The following MTLN variants were observed in gnomAD, a reference collection of about 807,000 sequenced individuals.
The protein encoded by MTLN is mitoregulin.
At position 110,212,502 on chromosome 2, in the gene MTLN, TGTCCTCTCTG is replaced by T. The variant is rs1686121874; in HGVS notation, c.14_23del (p.Ser5TyrfsTer7). On this transcript the variant is annotated frameshift_variant, in exon 1 of 2. Coordinates refer to ENST00000611969, the MANE Select transcript of MTLN (RefSeq NM_001384134.1). LOFTEE classifies it high-confidence loss of function. Reference sequence around the variant, plus strand: ...AGGCTACTAGCACGGACAACTGCAGTGTCCTCTCTGACACATCCGCCATGGCTGCCGCCGG... The same window carrying T: ...AGGCTACTAGCACGGACAACTGCAGTACACATCCGCCATGGCTGCCGCCGG... The T allele has an allele frequency of 2.5e-6, 1 of 398,772 alleles. No individual in the cohort carries two copies. The highest frequency in any genetic ancestry group is 4.4e-6 in the Non-Finnish European group (1 of 225,954). 24.7% of individuals were successfully genotyped at this position (398,772 alleles called of 1,614,324 possible).
chr2:110,211,844 A>C (rs760072908), intron 1 of MTLN, among the ~76,000 whole-genome samples: 3 of 152,180 alleles, frequency 2.0e-5, no homozygotes, highest in Admixed American at 1.3e-4. Flanking sequence ...CCAACAACCT[A>C]AGAATTCAGT....
At chr2:110,211,662 A>G (rs1349368078) in intron 1 of MTLN, 40 bp from the exon 2 acceptor site, 1 of 152,200 alleles carries the variant, frequency 6.6e-6, no homozygotes, top group Non-Finnish European at 1.5e-5. Context: ...AGAAATACAC[A>G]ATCTGAAACT....
Position 110,212,511 on chromosome 2 carries a change from T to C in MTLN, c.15A>G (p.Ser5=), listed in dbSNP as rs369219264. The C allele has an allele frequency of 2.5e-4, 98 of 398,924 alleles. 1 individual carries two copies. In the East Asian group the frequency reaches 3.0e-3, roughly 12 times the overall value. The allele number at this position is 398,924 out of a possible 1,614,324, so 24.7% of individuals were successfully genotyped here. The part of the protein sequence containing the change: MADV[S]ERTLQLSVLV... ...GCACGGACAACTGCAGTGTCCTCTC[T>C]GACACATCCGCCATGGCTGCCGCCG... Residue 5 remains serine, a synonymous_variant, in exon 1 of 2, where the codon TCA becomes TCG. Transcript: ENST00000611969.
intron 1 of MTLN, among the ~76,000 whole-genome samples, chr2:110,211,980 T>C (rs1439462206): frequency 6.6e-6 from 1 of 152,214 alleles, no homozygotes; most frequent in Non-Finnish European, 1.5e-5. Flanking sequence ...TCTATACTGA[T>C]GTTTAATGTT....
Position 110,211,541 on chromosome 2 carries a change from T to C in MTLN, c.*222A>G, listed in dbSNP as rs1686101328. ...TAAAAGGGTCAAAGATGTTTAATTT[T>C]TTTATTTTAAAAATAAAATTGATTC... On this transcript the variant is annotated 3_prime_UTR_variant, in exon 2 of 2. Coordinates refer to ENST00000611969, the MANE Select transcript of MTLN (RefSeq NM_001384134.1). 1 of 152,202 alleles carries C rather than the reference T, an allele frequency of 6.6e-6. No homozygotes were observed. The highest frequency in any genetic ancestry group is 2.1e-4 in the South Asian group (1 of 4,828). 9.4% of individuals were successfully genotyped at this position (152,202 alleles called of 1,614,324 possible).
chr2:110,212,156 T>G, intron 1 of MTLN, 59 bp downstream of exon 1: 1 of 390,068 alleles, frequency 2.6e-6, no homozygotes, highest in Admixed American at 4.5e-5. Flanking sequence ...GAGTTGATCC[T>G]AAGATATCCG....
At position 110,212,494 on chromosome 2, in the gene MTLN, A is replaced by C; in HGVS notation, c.32T>G (p.Leu11Trp). 1 of 398,954 alleles carries C rather than the reference A, an allele frequency of 2.5e-6. No individual in the cohort carries two copies. The highest frequency in any genetic ancestry group is 4.4e-6 in the Non-Finnish European group (1 of 225,996). The allele number at this position is 398,954 out of a possible 1,614,324, so 24.7% of individuals were successfully genotyped here. MADVSERTLQ[L>W]SVLVAFASGV... ...AGAAGCGAAGGCTACTAGCACGGACAACTGCAGTGTCCTCTCTGACACATC... is the reference window on the plus strand; with the variant it reads ...AGAAGCGAAGGCTACTAGCACGGACCACTGCAGTGTCCTCTCTGACACATC... The change falls in exon 1 of 2, where the codon TTG becomes TGG. Residue 11 changes from leucine (L) to tryptophan (W), a missense_variant. Coordinates refer to ENST00000611969, the MANE Select transcript of MTLN (RefSeq NM_001384134.1).
In MTLN at chr2:110,212,493, CA is replaced by C. The variant is rs1686121421; in HGVS notation, c.32del (p.Leu11CysfsTer4). Reference protein sequence around the residue: MADVSERTLQLSVLVAFASGV... With the variant: MADVSERTLQXSVLVAFASGV... ...CAGAAGCGAAGGCTACTAGCACGGACAACTGCAGTGTCCTCTCTGACACATC... is the reference window on the plus strand; with the variant it reads ...CAGAAGCGAAGGCTACTAGCACGGACACTGCAGTGTCCTCTCTGACACATC... On this transcript the variant is annotated frameshift_variant, in exon 1 of 2. Transcript: ENST00000611969. LOFTEE classifies it high-confidence loss of function. The C allele has an allele frequency of 2.5e-6, 1 of 398,848 alleles. No individual in the cohort carries two copies. Among genetic ancestry groups the C allele is most frequent in the Non-Finnish European group, 4.4e-6 (1 of 225,992 alleles). 24.7% of individuals were successfully genotyped at this position (398,848 alleles called of 1,614,324 possible). A position where few individuals can be genotyped will look rare whatever the true frequency, so the allele number is the denominator to read the frequency against.
chr2:110,211,813 T>A (rs972317542), intron 1 of MTLN, among the ~76,000 whole-genome samples, 191 bp from the exon 2 acceptor site: 1 of 152,208 alleles, frequency 6.6e-6, no homozygotes, highest in African/African-American at 2.4e-5. Flanking sequence ...AGGCCACTGC[T>A]CTTTCCACTT....
intron 1 of MTLN, 50 bp downstream of exon 1, chr2:110,212,165 C>G (rs1168408720): frequency 2.5e-6 from 1 of 392,284 alleles, no homozygotes; most frequent in Non-Finnish European, 4.5e-6. Context: ...CTAAGATATC[C>G]GCCCGACCCC....
In MTLN at chr2:110,212,239, T is replaced by C. The variant is rs965750781; in HGVS notation, c.*116A>G. ...CCAACACTCCAGGAAGAGCCGGCCA[T>C]GGCAGGCGGGGACTGTGTGGCAAGC... On this transcript the variant is annotated 3_prime_UTR_variant, in exon 1 of 2. Coordinates refer to ENST00000611969, the MANE Select transcript of MTLN (RefSeq NM_001384134.1). 5.0e-6 allele frequency: 2 copies of C among 397,742 alleles called. No individual in the cohort carries two copies. The highest frequency in any genetic ancestry group is 2.1e-5 in the African/African-American group (1 of 48,626). 24.6% of individuals were successfully genotyped at this position (397,742 alleles called of 1,614,324 possible). A position where few individuals can be genotyped will look rare whatever the true frequency, so the allele number is the denominator to read the frequency against.
At chr2:110,212,113 T>C in intron 1 of MTLN, 102 bp downstream of exon 1, 1 of 369,128 alleles carries the variant, frequency 2.7e-6, no homozygotes, top group Non-Finnish European at 4.8e-6. Flanking sequence ...CTGGTGTCTG[T>C]GGGAACAAGT....
chr2:110,211,787 A>G (rs1024215432), intron 1 of MTLN, among the ~76,000 whole-genome samples, 165 bp from the exon 2 acceptor site: 1 of 152,160 alleles, frequency 6.6e-6, no homozygotes, highest in African/African-American at 2.4e-5. Context: ...GACTGGATGC[A>G]AGGTTCCTGA....
chr2:110,212,364 G>C lies in MTLN; in HGVS notation c.162C>G (p.Asp54Glu). Residue 54 changes from aspartate (D) to glutamate (E), a missense_variant, in exon 1 of 2, where the codon GAC (aspartate) becomes GAG (glutamate). Transcript: ENST00000611969. ...DKLAATQKKL[D>E]LA ...CGGAAGGCGCAGAGTCTCAGGCCAG[G>C]TCCAGCTTCTTCTGCGTCGCCGCCA... 1 of 398,420 alleles carries C rather than the reference G, an allele frequency of 2.5e-6. No homozygotes were observed. 24.7% of individuals were successfully genotyped at this position (398,420 alleles called of 1,614,324 possible).
rs951889952 is a variant in MTLN at position 110,212,208 on chromosome 2, T to C, written c.*140+7A>G. 5.0e-6 allele frequency: 2 copies of C among 397,098 alleles called. No homozygotes were observed. The highest frequency in any genetic ancestry group is 4.1e-5 in the African/African-American group (2 of 48,560). The allele number at this position is 397,098 out of a possible 1,614,324, so 24.6% of individuals were successfully genotyped here. A position where few individuals can be genotyped will look rare whatever the true frequency, so the allele number is the denominator to read the frequency against. ...CCCTTTGCAATGTCACTATGTGTAC[T>C]GCTCACCAACACTCCAGGAAGAGCC... On this transcript the variant is annotated splice_region_variant and intron_variant, in intron 1 of 1. Transcript: ENST00000611969.
intron 1 of MTLN, among the ~76,000 whole-genome samples, 155 bp from the exon 2 acceptor site, chr2:110,211,777 G>C (rs2104740572): frequency 6.6e-6 from 1 of 152,312 alleles, no homozygotes; most frequent in African/African-American, 2.4e-5. Context: ...GAAGAGCTAA[G>C]ACTGGATGCA....
At chr2:110,211,805 G>T in intron 1 of MTLN, among the ~76,000 whole-genome samples, 183 bp from the exon 2 acceptor site, 1 of 152,252 alleles carries the variant, frequency 6.6e-6, no homozygotes, top group East Asian at 1.9e-4. Context: ...TGACTTCCAG[G>T]CCACTGCTCT....
At position 110,212,215 on chromosome 2, in the gene MTLN, C is replaced by T; in HGVS notation, c.*140G>A. 2.5e-6 allele frequency: 1 copy of T among 393,214 alleles called. No individual in the cohort carries two copies. Among genetic ancestry groups the T allele is most frequent in the Non-Finnish European group, 4.5e-6 (1 of 224,128 alleles). 24.4% of individuals were successfully genotyped at this position (393,214 alleles called of 1,614,324 possible). ...CAATGTCACTATGTGTACTGCTCAC[C>T]AACACTCCAGGAAGAGCCGGCCATG... On this transcript the variant is annotated splice_region_variant and 3_prime_UTR_variant, in exon 1 of 2. Transcript: ENST00000611969.
rs1686114302 is a variant in MTLN, at chr2:110,212,259, G to A, written c.*96C>T. 5.1e-6 allele frequency: 2 copies of A among 394,876 alleles called. No homozygotes were observed. The highest frequency in any genetic ancestry group is 8.9e-6 in the Non-Finnish European group (2 of 225,282). The allele number at this position is 394,876 out of a possible 1,614,324, so 24.5% of individuals were successfully genotyped here. ...GGCCATGGCAGGCGGGGACTGTGTGGCAAGCCTGGTTCTGGGCGCCGGCGG... is the reference window on the plus strand; with the variant it reads ...GGCCATGGCAGGCGGGGACTGTGTGACAAGCCTGGTTCTGGGCGCCGGCGG... On this transcript the variant is annotated 3_prime_UTR_variant, in exon 1 of 2. Coordinates refer to ENST00000611969, the MANE Select transcript of MTLN (RefSeq NM_001384134.1).
Sources: allele counts gnomAD v4.1 joint callset (sites outside exome capture counted in the v4.1 genomes callset), GRCh38; gene constraint gnomAD v4.1.1; transcripts MANE v1.5; gene names NCBI Gene and HGNC (gene_info 2026-07-23, HGNC 2026-07-21).